ZC3H13: variants seen among roughly 807,000 people sequenced by gnomAD.
The protein encoded by ZC3H13 is zinc finger CCCH domain-containing protein 13.
A neutral mutation model predicts 204.1 loss-of-function variants in ZC3H13; 64 were observed. The observed-to-expected ratio is 0.31, with a 90% CI of 0.26 to 0.39. The LOEUF (loss-of-function observed/expected upper bound fraction) is 0.39, where lower values mean the gene tolerates loss of function less well. Among genes scored for constraint, ZC3H13 ranks in the 10% least tolerant of loss-of-function variants. The pLI is 1.00. For missense variants in ZC3H13, 1,833 were observed against 2,082.7 expected (o/e 0.88, Z 2.33); for synonymous variants, 667 against 693.7 (o/e 0.96, Z 0.60).
At chr13:45,962,468 C>G in intron 17 of ZC3H13, 1 of 984,452 alleles carries the variant, frequency 1.0e-6, no homozygotes. Context: ...CATCACTTTA[C>G]AAATAAAATT....
intron 4 of ZC3H13, among the ~76,000 whole-genome samples, chr13:46,023,518 T>C (rs2042348242): frequency 6.6e-6 from 1 of 152,086 alleles, no homozygotes; most frequent in African/African-American, 2.4e-5. Flanking sequence ...CAATGAAACA[T>C]GATACCCCAA....
intron 4 of ZC3H13, among the ~76,000 whole-genome samples, chr13:46,021,131 TA>T (rs1325229330): frequency 6.6e-6 from 1 of 152,022 alleles, no homozygotes; most frequent in Non-Finnish European, 1.5e-5. Context: ...CAAACTCATT[TA>T]ATAGTATTAT....
chr13:45,991,838 A>T (rs1397649861), intron 8 of ZC3H13, among the ~76,000 whole-genome samples: 1 of 152,164 alleles, frequency 6.6e-6, no homozygotes, highest in Non-Finnish European at 1.5e-5. Flanking sequence ...TAATTAGGAT[A>T]TGATGTGGTG....
chr13:46,003,254 C>T lies in ZC3H13; in HGVS notation c.829G>A (p.Gly277Arg), dbSNP rs777401108. The part of the protein sequence containing the change: ...PPPIPEDIAL[G>R]KKYKEKYKVK... ...TTATATTTTTCTTTGTATTTTTTCC[C>T]CAGAGCGATATCTTCTGGTATAGGA... is the stretch of plus-strand genomic sequence containing the variant. The change falls in exon 8 of 19, where the codon GGG becomes AGG. Residue 277 changes from glycine (G) to arginine (R), a missense_variant. Gly to Arg is a moderately radical substitution (Grantham distance 125). Transcript: ENST00000679008. The T allele has an allele frequency of 2.5e-6, 4 of 1,612,720 alleles. No individual in the cohort carries two copies. The highest frequency in any genetic ancestry group is 3.4e-6 in the Non-Finnish European group (4 of 1,179,696).
At chr13:45,982,019 A>G (rs1208267229) in intron 10 of ZC3H13, among the ~76,000 whole-genome samples, 2 of 150,694 alleles carry the variant, frequency 1.3e-5, no homozygotes, top group Non-Finnish European at 3.0e-5. Flanking sequence ...AAAGTATAAT[A>G]ATAATAAAAT....
intron 8 of ZC3H13, among the ~76,000 whole-genome samples, chr13:45,999,519 A>T (rs2059714055): frequency 2.0e-5 from 3 of 152,200 alleles, no homozygotes; most frequent in Admixed American, 2.0e-4. Flanking sequence ...CTGATCTGAG[A>T]TTGCAGCAAT....
intron 18 of ZC3H13, 82 bp downstream of exon 18, chr13:45,959,401 C>T: frequency 2.3e-6 from 3 of 1,315,728 alleles, no homozygotes; most frequent in Non-Finnish European, 3.0e-6. Context: ...CATAAGATTG[C>T]AATCTCAATT....
intron 8 of ZC3H13, among the ~76,000 whole-genome samples, chr13:45,996,939 ATC>A: frequency 6.6e-6 from 1 of 152,374 alleles, no homozygotes; most frequent in Non-Finnish European, 1.5e-5. Context: ...CATTTCTGGC[ATC>A]TACTGGGGGT....
chr13:46,015,484 T>C (rs1222346743), intron 5 of ZC3H13, among the ~76,000 whole-genome samples: 1 of 152,206 alleles, frequency 6.6e-6, no homozygotes, highest in Non-Finnish European at 1.5e-5. Context: ...CTCCTAGTTT[T>C]ATGTAATCAA....
intron 3 of ZC3H13, among the ~76,000 whole-genome samples, chr13:46,044,673 T>C (rs920194743): frequency 1.3e-5 from 2 of 152,100 alleles, no homozygotes; most frequent in African/African-American, 4.8e-5. Context: ...TAAGCAGCAA[T>C]TTAATACATA....
intron 17 of ZC3H13, chr13:45,963,355 TC>T: frequency 1.0e-6 from 1 of 986,720 alleles, no homozygotes; most frequent in Non-Finnish European, 1.2e-6. Context: ...AGTCTGTTTT[TC>T]CTGGCTCTGC....
intron 4 of ZC3H13, among the ~76,000 whole-genome samples, chr13:46,032,261 C>G (rs571870437): frequency 6.7e-6 from 1 of 150,198 alleles, no homozygotes; most frequent in African/African-American, 2.4e-5. Context: ...TAGTGTTTTT[C>G]TAAAACCAGA....
intron 10 of ZC3H13, among the ~76,000 whole-genome samples, chr13:45,984,532 A>C (rs1326259981): frequency 6.6e-6 from 1 of 152,226 alleles, no homozygotes; most frequent in East Asian, 1.9e-4. Context: ...ATGAAATTAA[A>C]AACTGTTTTC....
chr13:45,965,525 C>G lies in ZC3H13; in HGVS notation c.4322-93G>C. 2.5e-6 allele frequency: 3 copies of G among 1,190,522 alleles called. No individual in the cohort carries two copies. In the Admixed American group the frequency reaches 8.6e-5, roughly 34 times the overall value. The allele number at this position is 1,190,522 out of a possible 1,614,324, so 73.7% of individuals were successfully genotyped here. A position where few individuals can be genotyped will look rare whatever the true frequency, so the allele number is the denominator to read the frequency against. On this transcript the variant is annotated intron_variant, in intron 15 of 18. Coordinates refer to ENST00000679008, the MANE Select transcript of ZC3H13 (RefSeq NM_001330564.2). Reference sequence around the variant, plus strand: ...AAGGTAGAGGGTACACACATTATAACAATGTGAAAAACATCTTTTCATCAG... The same window carrying G: ...AAGGTAGAGGGTACACACATTATAAGAATGTGAAAAACATCTTTTCATCAG...
intron 7 of ZC3H13, among the ~76,000 whole-genome samples, chr13:46,004,407 G>A (rs900234327): frequency 4.6e-5 from 7 of 152,104 alleles, no homozygotes; most frequent in African/African-American, 9.7e-5. Flanking sequence ...AGGCATGGTG[G>A]TGGGTGCCTG....
At chr13:45,993,151 T>A (rs1200581433) in intron 8 of ZC3H13, among the ~76,000 whole-genome samples, 2 of 152,062 alleles carry the variant, frequency 1.3e-5, no homozygotes, top group African/African-American at 4.8e-5. Context: ...CAAGACAATT[T>A]CTGCTAATTA....
At chr13:46,018,698 A>T (rs2042056068) in intron 5 of ZC3H13, among the ~76,000 whole-genome samples, 1 of 152,154 alleles carries the variant, frequency 6.6e-6, no homozygotes, top group African/African-American at 2.4e-5. Flanking sequence ...AGATTTATGG[A>T]GAAGGTTTGA....
In ZC3H13 at chr13:45,983,413, A is replaced by ATTTTTTTT; in HGVS notation, c.1720+1876_1720+1883dup. ...AAGCCCCTTCTACTTATATATATAT[A>ATTTTTTTT]TTTTTTTTTTTTTTTTTTTTTTTTT... On this transcript the variant is annotated intron_variant, in intron 10 of 18. Transcript: ENST00000679008. Among the ~76,000 whole-genome samples the ATTTTTTTT allele has an allele frequency of 2.6e-4, 8 of 31,132 alleles. 1 individual carries two copies. The highest frequency in any genetic ancestry group is 8.6e-4 in the African/African-American group (4 of 4,676). 20.4% of individuals were successfully genotyped at this position (31,132 alleles called of 152,430 possible). A position where few individuals can be genotyped will look rare whatever the true frequency, so the allele number is the denominator to read the frequency against.
rs1173637012 is a variant in ZC3H13 at position 45,976,203 on chromosome 13, C to A, written c.1913-365G>T. 3 of 985,158 alleles carry A rather than the reference C, an allele frequency of 3.0e-6. No homozygotes were observed. In the East Asian group the frequency reaches 3.4e-4, roughly 112 times the overall value. The allele number at this position is 985,158 out of a possible 1,614,324, so 61.0% of individuals were successfully genotyped here. A position where few individuals can be genotyped will look rare whatever the true frequency, so the allele number is the denominator to read the frequency against. ...TCACCTCTGATCTTCTCTGTCCCCC[C>A]AGCAGGACCTGAGAACACTGGTGGC... On this transcript the variant is annotated intron_variant, in intron 11 of 18. Coordinates refer to ENST00000679008, the MANE Select transcript of ZC3H13 (RefSeq NM_001330564.2).
Sources: allele counts gnomAD v4.1 joint callset (sites outside exome capture counted in the v4.1 genomes callset), GRCh38; gene constraint gnomAD v4.1.1; transcripts MANE v1.5; gene names NCBI Gene and HGNC (gene_info 2026-07-23, HGNC 2026-07-21).